SHISAL1: variants seen among roughly 807,000 people sequenced by gnomAD.
SHISAL1 encodes shisa like 1.
Under a neutral mutation model 22.6 loss-of-function variants are expected in SHISAL1, and 9 were observed. The observed-to-expected ratio is 0.40, with a 90% CI of 0.24 to 0.70. The LOEUF (loss-of-function observed/expected upper bound fraction) is 0.70. Ranked by LOEUF, SHISAL1 falls within the 30% of genes least tolerant of loss-of-function variation. The probability of loss-of-function intolerance (pLI) is 0.39; values close to 1 mark genes in which losing one functional copy is unlikely to be tolerated. For synonymous variants in SHISAL1, 119 were observed against 115.4 expected (o/e 1.03, Z -0.20); for missense variants, 246 against 270.6 (o/e 0.91, Z 0.64).
chr22:44,265,409 A>AC (rs1032044050), intron 4 of SHISAL1, among the ~76,000 whole-genome samples: 1 of 151,892 alleles, frequency 6.6e-6, no homozygotes, highest in Non-Finnish European at 1.5e-5. Flanking sequence ...AGCAACTGAC[A>AC]CCCCCAGCCA....
At chr22:44,320,399 C>T in the SHISAL1 span, among the ~76,000 whole-genome samples, 1 of 152,300 alleles carries the variant, frequency 6.6e-6, no homozygotes. Context: ...GATAAGTGGG[C>T]CAGGCCGTGG....
chr22:44,272,017 A>C (rs908961980), intron 4 of SHISAL1, among the ~76,000 whole-genome samples: 4 of 130,776 alleles, frequency 3.1e-5, no homozygotes, highest in African/African-American at 1.0e-4. Context: ...TTCCAAACTA[A>C]AGATTCCAAA....
intron 3 of SHISAL1, among the ~76,000 whole-genome samples, chr22:44,296,233 A>C (rs2055384940): frequency 7.1e-6 from 1 of 140,458 alleles, no homozygotes; most frequent in African/African-American, 2.8e-5. Context: ...ATCTCTGCTC[A>C]CTGCAACCCT....
chr22:44,282,589 A>AT (rs1288470922), intron 4 of SHISAL1, among the ~76,000 whole-genome samples: 3 of 152,214 alleles, frequency 2.0e-5, no homozygotes, highest in Non-Finnish European at 2.9e-5. Context: ...AGCTGGATTC[A>AT]TTCGCAGGAG....
At chr22:44,255,545 T>C (rs1164879214) in intron 4 of SHISAL1, among the ~76,000 whole-genome samples, 1 of 152,164 alleles carries the variant, frequency 6.6e-6, no homozygotes, top group East Asian at 1.9e-4. Flanking sequence ...AGAATCTCAA[T>C]AAGCCTTACA....
chr22:44,267,931 G>A (rs1419847354), intron 4 of SHISAL1, among the ~76,000 whole-genome samples: 12 of 152,382 alleles, frequency 7.9e-5, no homozygotes. Flanking sequence ...TTATCCTGCA[G>A]GCCCTCTGGG....
intron 3 of SHISAL1, among the ~76,000 whole-genome samples, chr22:44,287,246 T>C (rs1245249521): frequency 6.6e-6 from 1 of 152,236 alleles, no homozygotes; most frequent in East Asian, 1.9e-4. Context: ...AGGTCAGCCC[T>C]GGCGCCAGCA....
intron 4 of SHISAL1, among the ~76,000 whole-genome samples, chr22:44,283,225 G>A (rs1326825817): frequency 3.3e-5 from 5 of 152,106 alleles, no homozygotes; most frequent in Non-Finnish European, 5.9e-5. Context: ...CTTTTTTCAC[G>A]CTCACAGGGT....
chr22:44,323,671 CCATCCATCCATCCAT>C, the SHISAL1 span, among the ~76,000 whole-genome samples: 1 of 150,300 alleles, frequency 6.7e-6, no homozygotes, highest in African/African-American at 2.5e-5. Flanking sequence ...ATCCATCCAT[CCATCCATCCATCCAT>C]CCATCTATCA....
At chr22:44,281,155 C>A (rs2055273724) in intron 4 of SHISAL1, among the ~76,000 whole-genome samples, 1 of 152,138 alleles carries the variant, frequency 6.6e-6, no homozygotes, top group African/African-American at 2.4e-5. Flanking sequence ...CAGGGCCCGC[C>A]ACCTGAGGGG....
chr22:44,289,556 C>T (rs2055339074), intron 3 of SHISAL1, among the ~76,000 whole-genome samples: 1 of 151,860 alleles, frequency 6.6e-6, no homozygotes, highest in Non-Finnish European at 1.5e-5. Flanking sequence ...GACATGACCC[C>T]CGGCCCTCCC....
At chr22:44,325,030 G>A in the SHISAL1 span, among the ~76,000 whole-genome samples, 4 of 152,142 alleles carry the variant, frequency 2.6e-5, no homozygotes, top group African/African-American at 7.2e-5. Context: ...ATCATCTGAG[G>A]TCAGGAGTTC....
rs1405970802 is a variant in SHISAL1, at chr22:44,248,160, CCTT to C, written c.*1522_*1524del. 3 of 152,326 alleles carry C rather than the reference CCTT, an allele frequency of 2.0e-5. 1 individual carries two copies. The highest frequency in any genetic ancestry group is 7.2e-5 in the African/African-American group (3 of 41,450). 9.4% of individuals were successfully genotyped at this position (152,326 alleles called of 1,614,324 possible). A position where few individuals can be genotyped will look rare whatever the true frequency, so the allele number is the denominator to read the frequency against. On this transcript the variant is annotated 3_prime_UTR_variant, in exon 5 of 5. Transcript: ENST00000381176. Reference sequence around the variant, plus strand: ...GAGCACTCACTGCCTTCGCCACCTTCCTTCTTCACTGTCTTCCTGCCCCAGCTA... The same window carrying C: ...GAGCACTCACTGCCTTCGCCACCTTCCTTCACTGTCTTCCTGCCCCAGCTA...
At chr22:44,273,894 G>C (rs2055221057) in intron 4 of SHISAL1, among the ~76,000 whole-genome samples, 1 of 152,144 alleles carries the variant, frequency 6.6e-6, no homozygotes, top group African/African-American at 2.4e-5. Context: ...CAAATGAAAG[G>C]ACAGGTGTTT....
rs56376829 is a variant in SHISAL1 at position 44,284,897 on chromosome 22, G to GCCTTCCTTCCTTCCTT, written c.599+515_599+530dup. 8.1e-3 allele frequency among the ~76,000 whole-genome samples: 1,088 copies of GCCTTCCTTCCTTCCTT among 134,566 alleles called. 14 individuals are homozygous for GCCTTCCTTCCTTCCTT. The highest frequency in any genetic ancestry group is 0.018 in the East Asian group (82 of 4,518). 88.3% of individuals were successfully genotyped at this position (134,566 alleles called of 152,430 possible). ...TGAGATGCCACCTCTCTGCCTTCCT[G>GCCTTCCTTCCTTCCTT]CCTTCCTTCCTTCCTTCCTTCCTTC... On this transcript the variant is annotated intron_variant, in intron 4 of 4. Coordinates refer to ENST00000381176, the MANE Select transcript of SHISAL1 (RefSeq NM_001099294.2).
At chr22:44,265,383 A>G (rs904842936) in intron 4 of SHISAL1, among the ~76,000 whole-genome samples, 8 of 152,130 alleles carry the variant, frequency 5.3e-5, no homozygotes, top group African/African-American at 1.9e-4. Context: ...TACCCTGTGG[A>G]GAGGCCCACC....
intron 4 of SHISAL1, among the ~76,000 whole-genome samples, chr22:44,284,901 T>TGCCTGCCTTCCTTCCTC (rs1555928208): frequency 3.9e-5 from 1 of 25,904 alleles, no homozygotes; most frequent in Non-Finnish European, 9.9e-5. Context: ...CTTCCTGCCT[T>TGCCTGCCTTCCTTCCTC]CCTTCCTTCC....
At chr22:44,279,848 A>T (rs2055264201) in intron 4 of SHISAL1, among the ~76,000 whole-genome samples, 1 of 152,214 alleles carries the variant, frequency 6.6e-6, no homozygotes, top group Non-Finnish European at 1.5e-5. Context: ...TCTCCCAGGA[A>T]CTTGCTATAA....
the SHISAL1 span, among the ~76,000 whole-genome samples, chr22:44,323,941 C>T: frequency 1.3e-5 from 2 of 152,146 alleles, no homozygotes; most frequent in Non-Finnish European, 2.9e-5. Flanking sequence ...TGGAGCAACT[C>T]GTTTAATTCC....
Sources: allele counts gnomAD v4.1 joint callset (sites outside exome capture counted in the v4.1 genomes callset), GRCh38; gene constraint gnomAD v4.1.1; transcripts MANE v1.5; gene names NCBI Gene and HGNC (gene_info 2026-07-23, HGNC 2026-07-21).